Variants in PACSIN2 observed in about 807,000 individuals in gnomAD.
PACSIN2 encodes the protein protein kinase C and casein kinase substrate in neurons 2, also known as protein kinase C and casein kinase substrate in neurons protein 2.
In PACSIN2, 25 loss-of-function variants were observed where a neutral mutation model predicts 63.8. That is an observed-to-expected ratio of 0.39 (90% CI 0.29 to 0.55). The LOEUF is 0.55. Ranked by LOEUF, PACSIN2 falls within the 20% of genes least tolerant of loss-of-function variation. The pLI is 0.62. For synonymous variants in PACSIN2, 255 were observed against 256.2 expected, an observed-to-expected ratio of 1.00 and a Z score of 0.05; for missense variants, 518 against 646.9, an observed-to-expected ratio of 0.80 and a Z score of 2.16.
chr22:43,010,178 A>G (rs981564274), intron 1 of PACSIN2, among the ~76,000 whole-genome samples: 1 of 151,076 alleles, frequency 6.6e-6, no homozygotes, highest in Non-Finnish European at 1.5e-5. Flanking sequence ...CCATTTTATT[A>G]TTTCTATATT....
At chr22:42,981,355 G>C (rs1260821272) in intron 1 of PACSIN2, among the ~76,000 whole-genome samples, 2 of 144,574 alleles carry the variant, frequency 1.4e-5, no homozygotes, top group Admixed American at 6.7e-5. Flanking sequence ...AGGGAGGTGG[G>C]GGGGGTCAGC....
chr22:42,912,091 G>A lies in PACSIN2; in HGVS notation c.-11C>T, dbSNP rs768546314. 6.9e-6 allele frequency: 11 copies of A among 1,590,040 alleles called. No individual in the cohort carries two copies. Among genetic ancestry groups the A allele is most frequent in the East Asian group, 2.3e-5 (1 of 43,288 alleles). ...ATATGTGACAGACATTTTTTCAAAG[G>A]CTGAGGGAGCAGCAAAGTATACTTA... On this transcript the variant is annotated 5_prime_UTR_variant, in exon 2 of 11. Coordinates refer to ENST00000263246, the MANE Select transcript of PACSIN2 (RefSeq NM_001184970.3).
At chr22:42,883,897 G>T (rs1343111756) in intron 6 of PACSIN2, among the ~76,000 whole-genome samples, 1 of 152,280 alleles carries the variant, frequency 6.6e-6, no homozygotes, top group South Asian at 2.1e-4. Flanking sequence ...CCAGCTACTC[G>T]GGAGGCTGAG....
intron 1 of PACSIN2, among the ~76,000 whole-genome samples, chr22:42,966,285 G>T (rs375224692): frequency 3.6e-4 from 55 of 152,034 alleles, no homozygotes; most frequent in African/African-American, 1.3e-3. Context: ...CAGGAGAATT[G>T]CTTGAACCTG....
intron 2 of PACSIN2, among the ~76,000 whole-genome samples, chr22:42,905,454 C>A (rs1183775419): frequency 2.0e-5 from 3 of 152,252 alleles, no homozygotes; most frequent in Non-Finnish European, 4.4e-5. Flanking sequence ...TGTCAACAGG[C>A]TCATTGGTGC....
intron 1 of PACSIN2, among the ~76,000 whole-genome samples, chr22:42,970,994 C>CCACT (rs1921216876): frequency 6.6e-6 from 1 of 152,240 alleles, no homozygotes; most frequent in Non-Finnish European, 1.5e-5. Context: ...TACCCCTGCA[C>CCACT]CACCTCTCAC....
At chr22:42,960,255 G>A (rs759801069) in intron 1 of PACSIN2, among the ~76,000 whole-genome samples, 1 of 152,220 alleles carries the variant, frequency 6.6e-6, no homozygotes, top group Non-Finnish European at 1.5e-5. Context: ...TCTGAGGGGC[G>A]TCACAGCAGT....
chr22:42,945,163 TG>T (rs1933358995), intron 1 of PACSIN2, among the ~76,000 whole-genome samples: 2 of 151,246 alleles, frequency 1.3e-5, no homozygotes, highest in African/African-American at 2.4e-5. Flanking sequence ...ATGAGGTAGA[TG>T]CTCAAATGAG....
chr22:42,962,591 G>C (rs1463898888), intron 1 of PACSIN2, among the ~76,000 whole-genome samples: 1 of 151,802 alleles, frequency 6.6e-6, no homozygotes, highest in South Asian at 2.1e-4. Context: ...GGTGAGGTCT[G>C]GGGTAGGGGG....
chr22:42,981,926 C>T (rs2146886665), intron 1 of PACSIN2, among the ~76,000 whole-genome samples: 5 of 83,000 alleles, frequency 6.0e-5, no homozygotes, highest in East Asian at 4.2e-4. Context: ...TGAGGGGCGC[C>T]TCTGCCCGGC....
rs190666501 is a variant in PACSIN2, at chr22:42,883,669, G to A, written c.785+717C>T. 2.1e-4 allele frequency among the ~76,000 whole-genome samples: 32 copies of A among 152,322 alleles called. No homozygotes were observed. The East Asian group carries it at 4.4e-3, about 21-fold the overall frequency. The stretch of plus-strand genomic sequence containing the variant: ...CTCAAAGAAAGACTGTCCCAGGCAC[G>A]ACCAGCCCAGAAATGCCAGATTCAC... On this transcript the variant is annotated intron_variant, in intron 6 of 10. Transcript: ENST00000263246.
rs1443964080 is a variant in PACSIN2 at position 42,946,414 on chromosome 22, G to A, written c.-77-34257C>T. ...ACACATTGGCCTCTGAGCCTGGCGAGAGCAGCAATGTACCACGGGCTCACC... is the reference window on the plus strand; with the variant it reads ...ACACATTGGCCTCTGAGCCTGGCGAAAGCAGCAATGTACCACGGGCTCACC... On this transcript the variant is annotated intron_variant, in intron 1 of 10. Transcript: ENST00000263246. Among the ~76,000 whole-genome samples the A allele has an allele frequency of 2.0e-5, 3 of 152,216 alleles. No individual in the cohort carries two copies. The South Asian group carries it at 6.2e-4, about 31-fold the overall frequency.
chr22:42,895,668 G>A (rs1444840015), intron 2 of PACSIN2, among the ~76,000 whole-genome samples: 1 of 152,244 alleles, frequency 6.6e-6, no homozygotes, highest in Non-Finnish European at 1.5e-5. Context: ...CAGGAAGAGT[G>A]TTTCCGTAAG....
At position 42,891,105 on chromosome 22, in the gene PACSIN2, C is replaced by T. The variant is rs755681792; in HGVS notation, c.295G>A (p.Glu99Lys). 6 of 1,613,998 alleles carry T rather than the reference C, an allele frequency of 3.7e-6. No homozygotes were observed. In the South Asian group the frequency reaches 4.4e-5, roughly 12 times the overall value. ...EAERVSELHLEVKASLMNDDF... is the reference protein window; with the variant it reads ...EAERVSELHLKVKASLMNDDF... ...TCGTTCATCAGTGAGGCCTTCACCT[C>T]GAGGTGCAGCTCGCTCACCCTCTCT... Residue 99 changes from glutamate to lysine, a missense_variant, in exon 4 of 11, where the codon GAG becomes AAG. Glu to Lys is a moderately conservative substitution (Grantham distance 56). Transcript: ENST00000263246.
intron 1 of PACSIN2, among the ~76,000 whole-genome samples, chr22:42,927,913 G>A (rs933186437): frequency 1.3e-5 from 2 of 152,042 alleles, no homozygotes; most frequent in African/African-American, 4.8e-5. Context: ...GCTGTAAAAC[G>A]TCATGTCATG....
intron 2 of PACSIN2, among the ~76,000 whole-genome samples, chr22:42,898,277 C>CTTT (rs113057498): frequency 6.9e-6 from 1 of 145,280 alleles, no homozygotes; most frequent in Non-Finnish European, 1.5e-5. Context: ...CCTTCCTTTT[C>CTTT]TTTTTTTTTT....
chr22:42,923,148 C>T (rs1026469146), intron 1 of PACSIN2, among the ~76,000 whole-genome samples: 1 of 152,132 alleles, frequency 6.6e-6, no homozygotes, highest in Non-Finnish European at 1.5e-5. Flanking sequence ...GAGTTTTGTA[C>T]CCATGCTACT....
intron 2 of PACSIN2, among the ~76,000 whole-genome samples, chr22:42,907,209 C>T (rs1931136101): frequency 6.6e-6 from 1 of 152,208 alleles, no homozygotes; most frequent in African/African-American, 2.4e-5. Context: ...AGCTGGCTGT[C>T]AACACATGCT....
chr22:42,878,921 G>A (rs1219499815), intron 8 of PACSIN2, 127 bp downstream of exon 8: 22 of 1,104,194 alleles, frequency 2.0e-5, no homozygotes, highest in East Asian at 1.1e-4. Context: ...GCTGGGCCAC[G>A]GCCCACAGAG....
Sources: allele counts gnomAD v4.1 joint callset (sites outside exome capture counted in the v4.1 genomes callset), GRCh38; gene constraint gnomAD v4.1.1; transcripts MANE v1.5; gene names NCBI Gene and HGNC (gene_info 2026-07-23, HGNC 2026-07-21).